The following MED13L variants were observed in gnomAD, a reference collection of about 807,000 sequenced individuals.
The protein encoded by MED13L is mediator complex subunit 13L, also known as mediator of RNA polymerase II transcription subunit 13-like.
Under a neutral mutation model 220.9 loss-of-function variants are expected in MED13L, and 7 were observed. The observed-to-expected ratio is 0.03, with a 90% CI of 0.02 to 0.06. The LOEUF is 0.06. Ranked by LOEUF, MED13L falls within the 10% of genes least tolerant of loss-of-function variation. MED13L has a pLI of 1.00. For missense variants in MED13L, 1,965 were observed against 2,760.5 expected (o/e 0.71, Z 6.46); for synonymous variants, 1,011 against 1,015.2 (o/e 1.00, Z 0.08).
chr12:115,980,613 C>T (rs774377101), intron 23 of MED13L, 137 bp downstream of exon 23: 107 of 941,272 alleles, frequency 1.1e-4, no homozygotes, highest in Non-Finnish European at 1.7e-4. Flanking sequence ...TGTGAGCCAA[C>T]ACATCCAGCC....
At chr12:116,132,279 CAAAAAA>C (rs1005783459) in intron 2 of MED13L, among the ~76,000 whole-genome samples, 5 of 77,414 alleles carry the variant, frequency 6.5e-5, no homozygotes, top group Admixed American at 1.4e-4. Context: ...TACTTCGTCT[CAAAAAA>C]AAAAAAAAAA....
intron 2 of MED13L, among the ~76,000 whole-genome samples, chr12:116,151,181 T>C (rs965811475): frequency 1.3e-5 from 2 of 152,054 alleles, no homozygotes; most frequent in Non-Finnish European, 2.9e-5. Flanking sequence ...GCAAAATCTC[T>C]TGGGGGTGGG....
At chr12:116,140,330 A>C (rs1876956926) in intron 2 of MED13L, among the ~76,000 whole-genome samples, 1 of 152,214 alleles carries the variant, frequency 6.6e-6, no homozygotes, top group Admixed American at 6.5e-5. Context: ...TTATATCCTC[A>C]GTTCACAAAA....
At chr12:116,178,495 T>C (rs1880250613) in intron 2 of MED13L, among the ~76,000 whole-genome samples, 1 of 152,208 alleles carries the variant, frequency 6.6e-6, no homozygotes, top group African/African-American at 2.4e-5. Flanking sequence ...TGAAAAGCTA[T>C]GCATAATCAT....
intron 2 of MED13L, among the ~76,000 whole-genome samples, chr12:116,115,701 T>C (rs539020588): frequency 6.6e-6 from 1 of 152,202 alleles, no homozygotes; most frequent in Admixed American, 6.5e-5. Context: ...GGCAAAAGAT[T>C]TGAACAGACG....
chr12:116,146,642 G>A (rs1047803101), intron 2 of MED13L, among the ~76,000 whole-genome samples: 1 of 151,840 alleles, frequency 6.6e-6, no homozygotes, highest in Admixed American at 6.6e-5. Context: ...AGGCAGGGGG[G>A]ACTGCTTGAG....
chr12:116,137,364 A>G (rs547865702), intron 2 of MED13L, among the ~76,000 whole-genome samples: 1 of 152,336 alleles, frequency 6.6e-6, no homozygotes, highest in East Asian at 1.9e-4. Flanking sequence ...GTAGACAAAT[A>G]TAATCTCCAC....
At chr12:116,097,350 T>C (rs1296519292) in intron 3 of MED13L, among the ~76,000 whole-genome samples, 1 of 152,212 alleles carries the variant, frequency 6.6e-6, no homozygotes, top group Non-Finnish European at 1.5e-5. Flanking sequence ...CTCACCATGT[T>C]GGCCAGGCTG....
At chr12:115,965,975 G>A (rs1876129199) in intron 29 of MED13L, 107 bp downstream of exon 29, 1 of 1,363,254 alleles carries the variant, frequency 7.3e-7, no homozygotes, top group Non-Finnish European at 1.0e-6. Context: ...AGAGAAAAAA[G>A]GAACAGAATA....
At chr12:116,068,040 T>A (rs1268132652) in intron 4 of MED13L, among the ~76,000 whole-genome samples, 2 of 152,176 alleles carry the variant, frequency 1.3e-5, no homozygotes, top group Non-Finnish European at 2.9e-5. Flanking sequence ...CTGACACAAA[T>A]ACAGTATGAA....
At chr12:115,992,453 T>C (rs773221696) in intron 16 of MED13L, among the ~76,000 whole-genome samples, 1 of 152,152 alleles carries the variant, frequency 6.6e-6, no homozygotes, top group Non-Finnish European at 1.5e-5. Context: ...GAGGCTATAA[T>C]CTATATATCA....
intron 4 of MED13L, among the ~76,000 whole-genome samples, chr12:116,033,630 T>G (rs555107872): frequency 6.6e-6 from 1 of 152,166 alleles, no homozygotes; most frequent in Admixed American, 6.5e-5. Flanking sequence ...TGGGTAAATA[T>G]GGTCATGTCA....
intron 1 of MED13L, among the ~76,000 whole-genome samples, chr12:116,255,356 G>A (rs139604253): frequency 9.9e-5 from 15 of 152,200 alleles, no homozygotes; most frequent in African/African-American, 2.2e-4. Flanking sequence ...TCCTCACCTC[G>A]CACCATGTAA....
chr12:116,250,648 G>A (rs1337818765), intron 1 of MED13L, among the ~76,000 whole-genome samples: 15 of 149,242 alleles, frequency 1.0e-4, no homozygotes, highest in Non-Finnish European at 2.2e-4. Flanking sequence ...GTGGTGGCAC[G>A]CTCCTGTAGT....
intron 4 of MED13L, among the ~76,000 whole-genome samples, chr12:116,057,892 T>C (rs751243862): frequency 3.9e-5 from 6 of 152,166 alleles, no homozygotes; most frequent in Non-Finnish European, 5.9e-5. Context: ...TTTTAAATCA[T>C]TGAGCTATCT....
chr12:116,139,068 A>C (rs1304516290), intron 2 of MED13L, among the ~76,000 whole-genome samples: 1 of 152,150 alleles, frequency 6.6e-6, no homozygotes, highest in Non-Finnish European at 1.5e-5. Flanking sequence ...AAAGTGGTCA[A>C]GAAGAGACTG....
chr12:116,146,546 G>A (rs1473148055), intron 2 of MED13L, among the ~76,000 whole-genome samples: 1 of 151,810 alleles, frequency 6.6e-6, no homozygotes, highest in Admixed American at 6.6e-5. Context: ...CGAAAGATTG[G>A]ACACCCTGCT....
chr12:116,215,122 G>A (rs982232023), intron 2 of MED13L, among the ~76,000 whole-genome samples: 6 of 152,198 alleles, frequency 3.9e-5, no homozygotes, highest in African/African-American at 1.4e-4. Context: ...GGAAGTGGCA[G>A]TGTAAAATAT....
intron 14 of MED13L, among the ~76,000 whole-genome samples, chr12:115,999,484 C>T (rs541676789): frequency 5.9e-5 from 9 of 152,104 alleles, no homozygotes; most frequent in Admixed American, 5.9e-4. Flanking sequence ...ACAGCTACTA[C>T]AAAACTGTAA....
Sources: allele counts gnomAD v4.1 joint callset (sites outside exome capture counted in the v4.1 genomes callset), GRCh38; gene constraint gnomAD v4.1.1; transcripts MANE v1.5; gene names NCBI Gene and HGNC (gene_info 2026-07-23, HGNC 2026-07-21).